Variants in ADGRL3 observed in about 807,000 individuals in gnomAD.
ADGRL3 encodes the protein adhesion G protein-coupled receptor L3.
In ADGRL3, 62 loss-of-function variants were observed where a neutral mutation model predicts 153.5. The observed-to-expected ratio is 0.40, with a 90% CI of 0.33 to 0.50. The LOEUF (loss-of-function observed/expected upper bound fraction) is 0.50. ADGRL3 is among the 20% of genes least tolerant of loss of function. The probability of loss-of-function intolerance (pLI) is 0.47; values close to 1 mark genes in which losing one functional copy is unlikely to be tolerated. For missense variants in ADGRL3, 1,641 were observed against 1,859.4 expected (o/e 0.88, Z 2.16); for synonymous variants, 710 against 672.5 (o/e 1.06, Z -0.86).
At chr4:61,345,360 T>C (rs970706201) in intron 1 of ADGRL3, among the ~76,000 whole-genome samples, 2 of 152,194 alleles carry the variant, frequency 1.3e-5, no homozygotes, top group South Asian at 4.2e-4. Flanking sequence ...TCTGAATAAG[T>C]AATTAAATTA....
intron 1 of ADGRL3, among the ~76,000 whole-genome samples, chr4:61,274,256 G>A (rs1209602988): frequency 6.6e-6 from 1 of 152,142 alleles, no homozygotes; most frequent in Admixed American, 6.6e-5. Flanking sequence ...ACAGTTTAAT[G>A]AGCAAATATA....
chr4:61,657,976 T>G (rs1387701086), intron 5 of ADGRL3, among the ~76,000 whole-genome samples: 4 of 152,148 alleles, frequency 2.6e-5, no homozygotes, highest in Non-Finnish European at 4.4e-5. Flanking sequence ...CACTGGAGGT[T>G]TGGTAGCAGC....
intron 17 of ADGRL3, among the ~76,000 whole-genome samples, chr4:61,963,049 G>C (rs2098993731): frequency 6.6e-6 from 1 of 151,976 alleles, no homozygotes; most frequent in South Asian, 2.1e-4. Context: ...AGACACCCTA[G>C]AGGAAGTGAC....
chr4:61,220,771 C>T (rs1276701252), intron 1 of ADGRL3, among the ~76,000 whole-genome samples: 3 of 152,140 alleles, frequency 2.0e-5, no homozygotes. Flanking sequence ...TCTTTTTTAT[C>T]TCTGACTTAT....
At chr4:61,798,232 A>T (rs1163990561) in intron 8 of ADGRL3, among the ~76,000 whole-genome samples, 2 of 152,174 alleles carry the variant, frequency 1.3e-5, no homozygotes, top group Non-Finnish European at 2.9e-5. Context: ...AGGTTTAAAA[A>T]CTTGTCAGAG....
chr4:61,995,447 A>G (rs891895836), intron 19 of ADGRL3, among the ~76,000 whole-genome samples: 10 of 152,082 alleles, frequency 6.6e-5, no homozygotes, highest in African/African-American at 2.4e-4. Flanking sequence ...TATATAGCAA[A>G]CCAGTCTTGA....
intron 8 of ADGRL3, among the ~76,000 whole-genome samples, chr4:61,808,097 T>A (rs1437731534): frequency 6.6e-6 from 1 of 152,100 alleles, no homozygotes; most frequent in Non-Finnish European, 1.5e-5. Context: ...CAGGTACTGA[T>A]TGTCCATTAC....
At chr4:61,827,707 T>G (rs6842293) in intron 9 of ADGRL3, among the ~76,000 whole-genome samples, 1 of 152,046 alleles carries the variant, frequency 6.6e-6, no homozygotes, top group Non-Finnish European at 1.5e-5. Flanking sequence ...CCTCCTTGAT[T>G]GTTTAGAATT....
chr4:61,612,587 G>A (rs918978399), intron 5 of ADGRL3, among the ~76,000 whole-genome samples: 2 of 152,114 alleles, frequency 1.3e-5, no homozygotes, highest in African/African-American at 4.8e-5. Context: ...ATAGAGTAAC[G>A]TGCTTTTGAA....
chr4:61,749,084 A>T (rs1271805797), intron 8 of ADGRL3, among the ~76,000 whole-genome samples: 3 of 152,030 alleles, frequency 2.0e-5, no homozygotes, highest in Non-Finnish European at 2.9e-5. Context: ...GAAGACATTT[A>T]TGCTGCCAAA....
intron 5 of ADGRL3, among the ~76,000 whole-genome samples, chr4:61,673,660 GT>G (rs2095082389): frequency 1.3e-5 from 2 of 151,166 alleles, no homozygotes; most frequent in Non-Finnish European, 1.5e-5. Context: ...AGAAAGCGAA[GT>G]AAAGGACAGA....
intron 2 of ADGRL3, among the ~76,000 whole-genome samples, chr4:61,418,408 A>C (rs1209064970): frequency 6.6e-6 from 1 of 151,342 alleles, no homozygotes; most frequent in African/African-American, 2.4e-5. Context: ...TCAGGCCGTG[A>C]ACATCGGACA....
At chr4:61,754,616 A>ATATT (rs59784397) in intron 8 of ADGRL3, among the ~76,000 whole-genome samples, 13,017 of 151,062 alleles carry the variant, frequency 0.086, 1,193 homozygotes, top group African/African-American at 0.23. Flanking sequence ...GTATATATAT[A>ATATT]TATTTATTTA....
chr4:61,941,380 T>C (rs2150233639), intron 15 of ADGRL3, among the ~76,000 whole-genome samples: 1 of 59,832 alleles, frequency 1.7e-5, no homozygotes, highest in African/African-American at 7.4e-5. Context: ...CCTCCAGCTT[T>C]GTTCTTTTGG....
At chr4:61,580,388 C>T (rs763843916) in intron 4 of ADGRL3, among the ~76,000 whole-genome samples, 4 of 151,922 alleles carry the variant, frequency 2.6e-5, no homozygotes, top group African/African-American at 7.2e-5. Context: ...TTTAAGCAAA[C>T]GGATGGTAAT....
At chr4:61,685,681 T>A (rs1283619813) in intron 6 of ADGRL3, among the ~76,000 whole-genome samples, 4 of 152,054 alleles carry the variant, frequency 2.6e-5, no homozygotes, top group Non-Finnish European at 5.9e-5. Context: ...ATGAGGTAGA[T>A]AGATTTAGAG....
At chr4:61,504,201 C>T (rs940168588) in intron 3 of ADGRL3, among the ~76,000 whole-genome samples, 2 of 152,088 alleles carry the variant, frequency 1.3e-5, no homozygotes, top group Non-Finnish European at 2.9e-5. Flanking sequence ...TGCTCTGTTG[C>T]CCAGGCTGGT....
chr4:61,708,001 C>G (rs2095884956), intron 6 of ADGRL3, among the ~76,000 whole-genome samples: 1 of 152,130 alleles, frequency 6.6e-6, no homozygotes, highest in Non-Finnish European at 1.5e-5. Context: ...TGTGATTTAA[C>G]TAAATTTTCT....
At chr4:61,787,367 T>TA (rs34070125) in intron 8 of ADGRL3, among the ~76,000 whole-genome samples, 22 of 151,038 alleles carry the variant, frequency 1.5e-4, no homozygotes, top group African/African-American at 3.4e-4. Flanking sequence ...ACTTTTTTTT[T>TA]AAAAAAAAAG....
Sources: allele counts gnomAD v4.1 joint callset (sites outside exome capture counted in the v4.1 genomes callset), GRCh38; gene constraint gnomAD v4.1.1; transcripts MANE v1.5; gene names NCBI Gene and HGNC (gene_info 2026-07-23, HGNC 2026-07-21).